SOD2: variants seen among roughly 807,000 people sequenced by gnomAD.
SOD2 encodes superoxide dismutase 2, also known as superoxide dismutase [Mn], mitochondrial.
A neutral mutation model predicts 27.0 loss-of-function variants in SOD2; 11 were observed. That is an observed-to-expected ratio of 0.41 (90% CI 0.26 to 0.67). The LOEUF (loss-of-function observed/expected upper bound fraction) is 0.67. Among genes scored for constraint, SOD2 ranks in the 30% least tolerant of loss-of-function variants. The pLI is 0.34. For synonymous variants in SOD2, 105 were observed against 103.0 expected (o/e 1.02, Z -0.12); for missense variants, 250 against 274.5 (o/e 0.91, Z 0.63).
At position 159,680,451 on chromosome 6, in the gene SOD2, T is replaced by G. The variant is rs931167010; in HGVS notation, c.*2042A>C. ...TTGGTACTCTTGTCTCTAATAATTT[T>G]TAAAGCCTACTTTTCTAACTGAATT... On this transcript the variant is annotated 3_prime_UTR_variant, in exon 5 of 5. Coordinates refer to ENST00000538183, the MANE Select transcript of SOD2 (RefSeq NM_000636.4). The G allele has an allele frequency of 6.6e-6, 1 of 152,138 alleles. No homozygotes were observed. The highest frequency in any genetic ancestry group is 1.5e-5 in the Non-Finnish European group (1 of 68,022). 9.4% of individuals were successfully genotyped at this position (152,138 alleles called of 1,614,324 possible).
intron 1 of SOD2, among the ~76,000 whole-genome samples, chr6:159,752,062 CAA>C (rs60854821): frequency 3.2e-4 from 30 of 94,898 alleles, no homozygotes; most frequent in Admixed American, 4.7e-4. Flanking sequence ...ACCCCCATCT[CAA>C]AAAAAAAAAA....
In SOD2 at chr6:159,678,224, T is replaced by A. The variant is rs528127160; in HGVS notation, c.*4269A>T. 6.6e-6 allele frequency: 1 copy of A among 152,352 alleles called. No homozygotes were observed. Among genetic ancestry groups the A allele is most frequent in the African/African-American group, 2.4e-5 (1 of 41,550 alleles). The allele number at this position is 152,352 out of a possible 1,614,324, so 9.4% of individuals were successfully genotyped here. On this transcript the variant is annotated 3_prime_UTR_variant, in exon 5 of 5. Transcript: ENST00000538183. ...TCTTCCATCTGGCTGTTCATCTGTA[T>A]TCTTTGAAATATCCTTTACAAGCCA...
chr6:159,693,155 C>T lies in SOD2; in HGVS notation c.13G>A (p.Ala5Thr), dbSNP rs926100297. ...CCCCTTTCTTCTCACCCGCACACTGCCCGGCTCAACATGCTGCTAGTGCTG... is the reference window on the plus strand; with the variant it reads ...CCCCTTTCTTCTCACCCGCACACTGTCCGGCTCAACATGCTGCTAGTGCTG... MLSR[A>T]VCGTSRQLAP... Residue 5 changes from alanine (A) to threonine (T), a missense_variant, in exon 1 of 5, where the codon GCA (alanine) becomes ACA (threonine). Transcript: ENST00000538183. The T allele has an allele frequency of 3.3e-6, 5 of 1,533,688 alleles. No homozygotes were observed. The African/African-American group carries it at 7.0e-5, about 22-fold the overall frequency.
intron 2 of SOD2, chr6:159,691,129 T>C (rs1366214103): frequency 6.6e-6 from 1 of 152,232 alleles, no homozygotes; most frequent in African/African-American, 2.4e-5. Context: ...TTGTATTACA[T>C]AAGTAAGGCT....
At chr6:159,728,148 A>G (rs769881874), upstream of SOD2, among the ~76,000 whole-genome samples, 26 of 152,274 alleles carry the variant, frequency 1.7e-4, no homozygotes, top group Non-Finnish European at 3.2e-4. Flanking sequence ...GGATGTTACT[A>G]CGTTCTCTTG....
rs553358375 is a variant in SOD2 at position 159,688,020 on chromosome 6, C to A, written c.343+106G>T. 29 of 742,272 alleles carry A rather than the reference C, an allele frequency of 3.9e-5. 1 individual carries two copies. In the Admixed American group the frequency reaches 6.4e-4, roughly 16 times the overall value. The allele number at this position is 742,272 out of a possible 1,614,324, so 46.0% of individuals were successfully genotyped here. A position where few individuals can be genotyped will look rare whatever the true frequency, so the allele number is the denominator to read the frequency against. ...GAGCAAAACTCTTGTCTCAAAAAAA[C>A]AACAACAAAAAAAACAAAAAACAAG... On this transcript the variant is annotated intron_variant, in intron 3 of 4. Transcript: ENST00000538183.
chr6:159,688,025 A>AC, intron 3 of SOD2, 101 bp downstream of exon 3: 1 of 755,942 alleles, frequency 1.3e-6, no homozygotes. Context: ...AAAAACAACA[A>AC]CAAAAAAAAC....
chr6:159,762,103 G>A, exon 1 of SOD2: 1 of 1,613,402 alleles, frequency 6.2e-7, no homozygotes, highest in Non-Finnish European at 8.5e-7. Context: ...TGCAGGCTCA[G>A]ATCCTGTGGT....
intron 1 of SOD2, chr6:159,741,843 C>T: frequency 3.1e-6 from 1 of 325,766 alleles, no homozygotes; most frequent in Non-Finnish European, 5.6e-6. Context: ...GAGCCATGTG[C>T]CTTTGGTCCC....
intron 1 of SOD2, among the ~76,000 whole-genome samples, chr6:159,717,745 C>T (rs1777946746): frequency 6.6e-6 from 1 of 152,108 alleles, no homozygotes; most frequent in African/African-American, 2.4e-5. Context: ...CTAGTAACCG[C>T]TATTCTACTC....
intron 1 of SOD2, 48 bp from the exon 2 acceptor site, chr6:159,692,911 C>T (rs1454358267): frequency 6.7e-7 from 1 of 1,486,514 alleles, no homozygotes; most frequent in Non-Finnish European, 9.0e-7. Context: ...GCGGGACCGT[C>T]TACGCAGGCT....
chr6:159,685,010 G>A lies in SOD2; in HGVS notation c.367C>T (p.Arg123Cys), dbSNP rs143582231. Residue 123 changes from arginine (R) to cysteine (C), a missense_variant, in exon 4 of 5, where the codon CGT becomes TGT. Arg to Cys is a radical substitution (Grantham distance 180, BLOSUM62 -3). Coordinates refer to ENST00000538183, the MANE Select transcript of SOD2 (RefSeq NM_000636.4). Reference protein sequence around the residue: ...PKGELLEAIKRDFGSFDKFKE... With the variant: ...PKGELLEAIKCDFGSFDKFKE... ...AACTTGTCAAAGGAACCAAAGTCACGTTTGATGGCTTCCAGCAACTCCCCT... is the reference window on the plus strand; with the variant it reads ...AACTTGTCAAAGGAACCAAAGTCACATTTGATGGCTTCCAGCAACTCCCCT... The A allele has an allele frequency of 9.4e-5, 151 of 1,605,232 alleles. 1 individual carries two copies. Among genetic ancestry groups the A allele is most frequent in the Middle Eastern group, 5.0e-4 (3 of 6,034 alleles).
rs907889501 is a variant in SOD2, at chr6:159,679,985, T to G, written c.*2508A>C. 1 of 152,114 alleles carries G rather than the reference T, an allele frequency of 6.6e-6. No individual in the cohort carries two copies. The highest frequency in any genetic ancestry group is 2.4e-5 in the African/African-American group (1 of 41,404). The allele number at this position is 152,114 out of a possible 1,614,324, so 9.4% of individuals were successfully genotyped here. On this transcript the variant is annotated 3_prime_UTR_variant, in exon 5 of 5. Coordinates refer to ENST00000538183, the MANE Select transcript of SOD2 (RefSeq NM_000636.4). ...TGACTAAAATCTTTAGTTTGTAAATTCCCTTAGTCTCTTAAAATCAATCTA... is the reference window on the plus strand; with the variant it reads ...TGACTAAAATCTTTAGTTTGTAAATGCCCTTAGTCTCTTAAAATCAATCTA...
At chr6:159,687,805 A>C (rs911621155) in intron 3 of SOD2, among the ~76,000 whole-genome samples, 1 of 151,972 alleles carries the variant, frequency 6.6e-6, no homozygotes, top group African/African-American at 2.4e-5. Flanking sequence ...TCAGGAGTTC[A>C]AGACCAGCCT....
intron 1 of SOD2, among the ~76,000 whole-genome samples, chr6:159,700,041 T>C (rs1296909364): frequency 6.6e-6 from 1 of 152,160 alleles, no homozygotes; most frequent in Non-Finnish European, 1.5e-5. Flanking sequence ...TGGTGAGAAA[T>C]TAGATAAAAT....
At chr6:159,711,661 ACATT>A (rs1373084180) in intron 1 of SOD2, among the ~76,000 whole-genome samples, 48 of 41,762 alleles carry the variant, frequency 1.1e-3, no homozygotes, top group African/African-American at 3.4e-3. Context: ...ACCACCACTC[ACATT>A]GCTCTGATCA....
Position 159,693,212 on chromosome 6 carries a change from G to A in SOD2, c.-45C>T. The A allele has an allele frequency of 6.6e-7, 1 of 1,505,020 alleles. No homozygotes were observed. Among genetic ancestry groups the A allele is most frequent in the Middle Eastern group, 2.0e-4 (1 of 5,090 alleles). 93.2% of individuals were successfully genotyped at this position (1,505,020 alleles called of 1,614,324 possible). On this transcript the variant is annotated 5_prime_UTR_variant, in exon 1 of 5. Coordinates refer to ENST00000538183, the MANE Select transcript of SOD2 (RefSeq NM_000636.4). ...CCGCTGATGCCGCCGATCTGCTGAA[G>A]CCGCTGCCGAAGCCACCACAGCCAC...
chr6:159,747,914 A>G (rs572978538), upstream of SOD2, among the ~76,000 whole-genome samples: 1 of 152,272 alleles, frequency 6.6e-6, no homozygotes, highest in African/African-American at 2.4e-5. Flanking sequence ...TTAATTGACA[A>G]ATAAGTTTTT....
At chr6:159,729,698 C>T (rs534454218), upstream of SOD2, among the ~76,000 whole-genome samples, 5 of 152,314 alleles carry the variant, frequency 3.3e-5, no homozygotes, top group African/African-American at 1.2e-4. Flanking sequence ...TGGAATCACA[C>T]ATGGCAGATA....
Sources: gnomAD v4.1 joint callset for allele counts (sites outside exome capture counted in the v4.1 genomes callset) on GRCh38, gnomAD v4.1.1 for gene constraint, MANE v1.5 for transcripts, NCBI Gene and HGNC (gene_info 2026-07-23, HGNC 2026-07-21) for gene names.